Variants in TPH2 observed in about 807,000 individuals in gnomAD.
TPH2 encodes the protein tryptophan 5-hydroxylase 2.
In TPH2, 27 loss-of-function variants were observed where a neutral mutation model predicts 59.1. That is an observed-to-expected ratio of 0.46 (90% CI 0.34 to 0.63). The LOEUF (loss-of-function observed/expected upper bound fraction) is 0.63, where lower values mean the gene tolerates loss of function less well. Ranked by LOEUF, TPH2 falls within the 30% of genes least tolerant of loss-of-function variation. The pLI is 0.01. For missense variants in TPH2, 523 were observed against 588.3 expected (o/e 0.89, Z 1.15); for synonymous variants, 220 against 210.5 (o/e 1.05, Z -0.39).
chr12:71,951,167 C>T (rs74104733), intron 5 of TPH2, among the ~76,000 whole-genome samples: 3,010 of 152,222 alleles, frequency 0.02, 91 homozygotes, highest in African/African-American at 0.066. Flanking sequence ...GTACCACCCC[C>T]GCTAGCCCCA....
chr12:71,963,295 A>G lies in TPH2; in HGVS notation c.609-9224A>G, dbSNP rs938278673. On this transcript the variant is annotated intron_variant, in intron 5 of 10. Coordinates refer to ENST00000333850, the MANE Select transcript of TPH2 (RefSeq NM_173353.4). ...CTTTTCTTATGAATTCTTGGAAGTC[A>G]GTAAATAAAAATTACATTTGCTTTA... Among the ~76,000 whole-genome samples the G allele has an allele frequency of 4.0e-5, 2 of 50,054 alleles. 1 individual carries two copies. Among genetic ancestry groups the G allele is most frequent in the Admixed American group, 4.2e-4 (2 of 4,730 alleles). 32.8% of individuals were successfully genotyped at this position (50,054 alleles called of 152,430 possible).
At chr12:71,988,539 C>T (rs776314028) in intron 7 of TPH2, among the ~76,000 whole-genome samples, 2 of 152,118 alleles carry the variant, frequency 1.3e-5, no homozygotes, top group African/African-American at 2.4e-5. Context: ...TTTTAAACGA[C>T]CAGATCTCGG....
intron 6 of TPH2, among the ~76,000 whole-genome samples, chr12:71,974,079 G>A (rs964026553): frequency 2.6e-5 from 4 of 152,164 alleles, no homozygotes; most frequent in Non-Finnish European, 5.9e-5. Flanking sequence ...TTCAAGTGCA[G>A]TAGTTCCAAA....
chr12:71,961,672 CCATTGTTGT>C, intron 5 of TPH2: 1 of 1,351,524 alleles, frequency 7.4e-7, no homozygotes, highest in Non-Finnish European at 9.8e-7. Flanking sequence ...GATGTTAGAT[CCATTGTTGT>C]TGCTGTTGAT....
chr12:71,967,778 C>G (rs1021000879), intron 5 of TPH2, among the ~76,000 whole-genome samples: 1 of 152,218 alleles, frequency 6.6e-6, no homozygotes, highest in East Asian at 1.9e-4. Context: ...ATTCTACTTT[C>G]CTGCTGGGAA....
At chr12:71,961,739 T>A (rs773007434) in intron 5 of TPH2, 1 of 1,342,418 alleles carries the variant, frequency 7.4e-7, no homozygotes, top group Non-Finnish European at 9.8e-7. Flanking sequence ...TTCTCTAGAA[T>A]ATGAAGAGGA....
chr12:72,003,451 T>C (rs1433892802), intron 8 of TPH2, among the ~76,000 whole-genome samples: 1 of 152,232 alleles, frequency 6.6e-6, no homozygotes, highest in Non-Finnish European at 1.5e-5. Context: ...GCTGTACATA[T>C]AGAAGAGTAG....
At chr12:71,996,688 G>A (rs1013488698) in intron 8 of TPH2, among the ~76,000 whole-genome samples, 6 of 152,154 alleles carry the variant, frequency 3.9e-5, no homozygotes, top group East Asian at 1.9e-4. Flanking sequence ...GTGCATGTGT[G>A]CATGTGAACA....
intron 6 of TPH2, among the ~76,000 whole-genome samples, chr12:71,977,684 G>C (rs1872159335): frequency 6.6e-6 from 1 of 152,114 alleles, no homozygotes; most frequent in African/African-American, 2.4e-5. Flanking sequence ...AGGAAATGAT[G>C]TTATTCTGGG....
intron 7 of TPH2, among the ~76,000 whole-genome samples, chr12:71,982,680 A>G (rs879412390): frequency 6.6e-6 from 1 of 152,156 alleles, no homozygotes; most frequent in Non-Finnish European, 1.5e-5. Flanking sequence ...AGATTCTCCA[A>G]TTTATGAAGT....
At chr12:71,943,505 A>C (rs946333794) in intron 2 of TPH2, among the ~76,000 whole-genome samples, 3 of 152,204 alleles carry the variant, frequency 2.0e-5, no homozygotes, top group Non-Finnish European at 4.4e-5. Context: ...TATCTCTGAG[A>C]TCCATCATAG....
intron 5 of TPH2, chr12:71,961,464 G>T: frequency 2.5e-6 from 3 of 1,207,612 alleles, no homozygotes; most frequent in Non-Finnish European, 3.3e-6. Flanking sequence ...GGGCCTAGTA[G>T]TTAGCTGTGT....
In TPH2 at chr12:72,004,380, C is replaced by T. The variant is rs1391273598; in HGVS notation, c.1068+9815C>T. Among the ~76,000 whole-genome samples the T allele has an allele frequency of 1.9e-4, 29 of 150,304 alleles. 3 individuals are homozygous for T. In the Admixed American group the frequency reaches 2.0e-3, roughly 10 times the overall value. Reference sequence around the variant, plus strand: ...TACATATGACATTATCTATGTCATACCCAGGTCTGGAAATACTTCTTCTCA... The same window carrying T: ...TACATATGACATTATCTATGTCATATCCAGGTCTGGAAATACTTCTTCTCA... On this transcript the variant is annotated intron_variant, in intron 8 of 10. Transcript: ENST00000333850.
At position 72,031,388 on chromosome 12, in the gene TPH2, T is replaced by C. The variant is rs1205727913; in HGVS notation, c.1295T>C (p.Met432Thr). 6.2e-7 allele frequency: 1 copy of C among 1,613,566 alleles called. No individual in the cohort carries two copies. The highest frequency in any genetic ancestry group is 8.5e-7 in the Non-Finnish European group (1 of 1,179,630). ...AGTTTTGAAGAAGCCAAAGAAAAGA[T>C]GAGGTAAACTTTTTTTTCCTCCTAG... The part of the protein sequence containing the change: ...SESFEEAKEK[M>T]RDFAKSITRP... The change falls in exon 10 of 11, where the codon ATG becomes ACG. Residue 432 changes from methionine to threonine, a missense_variant. Met to Thr is a moderately conservative substitution (Grantham distance 81). Transcript: ENST00000333850.
chr12:71,941,342 C>G (rs1871058266), intron 1 of TPH2, among the ~76,000 whole-genome samples: 1 of 152,082 alleles, frequency 6.6e-6, no homozygotes, highest in African/African-American at 2.4e-5. Context: ...TGAAGCAAAT[C>G]TGATCCCCTT....
At chr12:71,990,871 C>A (rs1872565934) in intron 7 of TPH2, among the ~76,000 whole-genome samples, 1 of 152,168 alleles carries the variant, frequency 6.6e-6, no homozygotes, top group South Asian at 2.1e-4. Flanking sequence ...ATGGTCATTT[C>A]TACTTATAAC....
intron 1 of TPH2, among the ~76,000 whole-genome samples, chr12:71,939,394 C>CAA (rs1870992657): frequency 1.8e-3 from 36 of 19,612 alleles, no homozygotes; most frequent in African/African-American, 5.2e-3. Flanking sequence ...AAATCTACAG[C>CAA]CAAAAAAAAA....
intron 7 of TPH2, among the ~76,000 whole-genome samples, chr12:71,989,495 C>T (rs73344848): frequency 0.043 from 6,501 of 152,290 alleles, 267 homozygotes; most frequent in South Asian, 0.17. Context: ...ACTCATCTCC[C>T]TTTCCTTCTC....
intron 8 of TPH2, among the ~76,000 whole-genome samples, chr12:72,016,007 G>A (rs137985750): frequency 1.4e-3 from 207 of 152,320 alleles, no homozygotes; most frequent in Non-Finnish European, 2.1e-3. Flanking sequence ...GTATCCATAA[G>A]TGCAGTTACT....
Sources: allele counts gnomAD v4.1 joint callset (sites outside exome capture counted in the v4.1 genomes callset), GRCh38; gene constraint gnomAD v4.1.1; transcripts MANE v1.5; gene names NCBI Gene and HGNC (gene_info 2026-07-23, HGNC 2026-07-21).